The following ARHGAP28 variants were observed in gnomAD, a reference collection of about 807,000 sequenced individuals.
ARHGAP28 encodes the protein rho GTPase-activating protein 28.
ARHGAP28 carries 56 observed loss-of-function variants against 90.7 expected under a neutral mutation model. The observed-to-expected ratio is 0.62, with a 90% CI of 0.50 to 0.77. ARHGAP28 has a LOEUF of 0.77. ARHGAP28 is among the 30% of genes least tolerant of loss of function. ARHGAP28 has a pLI of 0.00. For synonymous variants in ARHGAP28, 308 were observed against 323.3 expected (o/e 0.95, Z 0.51); for missense variants, 869 against 900.9 (o/e 0.96, Z 0.45).
At chr18:6,797,185 G>A (rs1042668362) in intron 1 of ARHGAP28, among the ~76,000 whole-genome samples, 11 of 152,186 alleles carry the variant, frequency 7.2e-5, no homozygotes, top group African/African-American at 2.4e-4. Flanking sequence ...TTGTGAAGAG[G>A]TGTGTTTTTT....
intron 1 of ARHGAP28, among the ~76,000 whole-genome samples, chr18:6,799,866 A>G (rs1392358357): frequency 6.6e-6 from 1 of 152,248 alleles, no homozygotes; most frequent in African/African-American, 2.4e-5. Flanking sequence ...GACAATTGGG[A>G]TCTAATTAAA....
At chr18:6,773,838 A>G (rs1181556673) in intron 1 of ARHGAP28, among the ~76,000 whole-genome samples, 1 of 152,204 alleles carries the variant, frequency 6.6e-6, no homozygotes, top group Admixed American at 6.5e-5. Flanking sequence ...TTGTCCTCAC[A>G]CACTGCTTGG....
At chr18:6,911,450 C>T (rs2163468) in intron 17 of ARHGAP28, among the ~76,000 whole-genome samples, 18 of 151,492 alleles carry the variant, frequency 1.2e-4, no homozygotes, top group East Asian at 9.8e-4. Flanking sequence ...CTTTTCTTTT[C>T]TTTGAGACGG....
rs1196246180 is a variant in ARHGAP28 at position 6,772,622 on chromosome 18, CA to C, written c.122+42680del. On this transcript the variant is annotated intron_variant, in intron 1 of 17. Coordinates refer to ENST00000383472, the MANE Select transcript of ARHGAP28 (RefSeq NM_001366230.1). ...CTATATGATAATGTAAGATAATGAGCACGTTTATGGTAGGCTAGGGTGAGCT... is the reference window on the plus strand; with the variant it reads ...CTATATGATAATGTAAGATAATGAGCCGTTTATGGTAGGCTAGGGTGAGCT... Among the ~76,000 whole-genome samples, 4 of 152,252 alleles carry C rather than the reference CA, an allele frequency of 2.6e-5. No individual in the cohort carries two copies. In the East Asian group the frequency reaches 7.7e-4, roughly 29 times the overall value.
At chr18:6,827,563 C>G (rs1368576365) in intron 2 of ARHGAP28, among the ~76,000 whole-genome samples, 2 of 142,040 alleles carry the variant, frequency 1.4e-5, no homozygotes, top group Non-Finnish European at 3.1e-5. Context: ...ACCTCCCTCC[C>G]GGACGGGGCG....
chr18:6,783,278 A>T, intron 1 of ARHGAP28, among the ~76,000 whole-genome samples: 1 of 145,724 alleles, frequency 6.9e-6, no homozygotes, highest in African/African-American at 2.5e-5. Flanking sequence ...AGAAGTCCAG[A>T]CTCTTTGTGT....
intron 5 of ARHGAP28, among the ~76,000 whole-genome samples, chr18:6,860,531 C>T (rs926930936): frequency 6.6e-6 from 1 of 152,196 alleles, no homozygotes; most frequent in Non-Finnish European, 1.5e-5. Flanking sequence ...GAGACCCCAT[C>T]AGATGAGGCA....
intron 1 of ARHGAP28, among the ~76,000 whole-genome samples, chr18:6,772,810 C>G (rs1039466461): frequency 1.3e-5 from 2 of 152,034 alleles, no homozygotes; most frequent in African/African-American, 2.4e-5. Flanking sequence ...TCTCGGCTCA[C>G]TGCAACATCT....
chr18:6,755,929 A>C (rs1219108978), intron 1 of ARHGAP28, among the ~76,000 whole-genome samples: 2 of 152,228 alleles, frequency 1.3e-5, no homozygotes, highest in Non-Finnish European at 2.9e-5. Flanking sequence ...GTTATAAGTC[A>C]CTGTTATTTC....
At chr18:6,844,630 G>A (rs780568832) in intron 3 of ARHGAP28, among the ~76,000 whole-genome samples, 81 of 152,000 alleles carry the variant, frequency 5.3e-4, no homozygotes, top group Non-Finnish European at 1.6e-4. Flanking sequence ...TTTTTCAATA[G>A]CCAGATGATT....
At chr18:6,826,912 G>A (rs2056668937) in intron 2 of ARHGAP28, among the ~76,000 whole-genome samples, 3 of 152,004 alleles carry the variant, frequency 2.0e-5, no homozygotes, top group South Asian at 4.2e-4. Context: ...CTGCCTTCAA[G>A]CATCTGTTTA....
At chr18:6,801,182 G>A (rs1249908885) in intron 1 of ARHGAP28, among the ~76,000 whole-genome samples, 1 of 152,172 alleles carries the variant, frequency 6.6e-6, no homozygotes, top group Non-Finnish European at 1.5e-5. Context: ...TGTATATGGT[G>A]TGTGGTATGA....
chr18:6,810,727 G>A (rs1199656124), intron 1 of ARHGAP28, among the ~76,000 whole-genome samples: 1 of 152,136 alleles, frequency 6.6e-6, no homozygotes, highest in Non-Finnish European at 1.5e-5. Flanking sequence ...GTGTTATATA[G>A]AGTATGAAGA....
rs1196608637 is a variant in ARHGAP28 at position 6,754,774 on chromosome 18, G to C, written c.122+24831G>C. 5 of 152,180 alleles carry C rather than the reference G, an allele frequency of 3.3e-5. No homozygotes were observed. In the East Asian group the frequency reaches 9.6e-4, roughly 29 times the overall value. The allele number at this position is 152,180 out of a possible 1,614,324, so 9.4% of individuals were successfully genotyped here. The stretch of plus-strand genomic sequence containing the variant: ...TGAATTTGCCAGCTAAGTTTCCCAA[G>C]TAGACTATATGTCTGAGTGAATAAA... On this transcript the variant is annotated intron_variant, in intron 1 of 17. Transcript: ENST00000383472.
At chr18:6,789,870 C>G (rs2056393777) in intron 1 of ARHGAP28, 1 of 151,700 alleles carries the variant, frequency 6.6e-6, no homozygotes, top group Non-Finnish European at 1.5e-5. Context: ...CTCTGTCGCC[C>G]AGGCTAAAGC....
rs796633128 is a variant in ARHGAP28, at chr18:6,771,923, A to G, written c.122+41980A>G. 1.8e-4 allele frequency among the ~76,000 whole-genome samples: 28 copies of G among 152,314 alleles called. 1 individual carries two copies. Among genetic ancestry groups the G allele is most frequent in the African/African-American group, 6.5e-4 (27 of 41,568 alleles). ...GGAAACATACAAATGATAAAATTCA[A>G]AGTAGTAGATACCTCAGATACCCTG... On this transcript the variant is annotated intron_variant, in intron 1 of 17. Coordinates refer to ENST00000383472, the MANE Select transcript of ARHGAP28 (RefSeq NM_001366230.1).
chr18:6,836,956 C>T, intron 2 of ARHGAP28, among the ~76,000 whole-genome samples: 1 of 152,098 alleles, frequency 6.6e-6, no homozygotes, highest in Non-Finnish European at 1.5e-5. Flanking sequence ...GTTTAACTCT[C>T]TAGCAGGAAA....
At chr18:6,736,022 C>G (rs1401586885) in intron 1 of ARHGAP28, among the ~76,000 whole-genome samples, 1 of 152,172 alleles carries the variant, frequency 6.6e-6, no homozygotes, top group Non-Finnish European at 1.5e-5. Context: ...TACGATTTTC[C>G]TCTTTTTAAT....
At chr18:6,899,492 A>G (rs2057326966) in intron 16 of ARHGAP28, among the ~76,000 whole-genome samples, 1 of 152,172 alleles carries the variant, frequency 6.6e-6, no homozygotes, top group East Asian at 1.9e-4. Flanking sequence ...CTAACCACAG[A>G]AAACCTTTCT....
Sources: allele counts gnomAD v4.1 joint callset (sites outside exome capture counted in the v4.1 genomes callset), GRCh38; gene constraint gnomAD v4.1.1; transcripts MANE v1.5; gene names NCBI Gene and HGNC (gene_info 2026-07-23, HGNC 2026-07-21).